The following PKD1L1 variants were observed in gnomAD, a reference collection of about 807,000 sequenced individuals.
PKD1L1 encodes the protein polycystin-1-like protein 1.
In PKD1L1, 236 loss-of-function variants were observed where a neutral mutation model predicts 323.4. That is an observed-to-expected ratio of 0.73 (90% confidence interval 0.66 to 0.81). The LOEUF (loss-of-function observed/expected upper bound fraction) is 0.81, where lower values mean the gene tolerates loss of function less well. Ranked by LOEUF, PKD1L1 falls within the 40% of genes least tolerant of loss-of-function variation. The pLI, the probability that PKD1L1 is intolerant of heterozygous loss-of-function variation, is 0.00. For synonymous variants in PKD1L1, 1,344 were observed against 1,335.0 expected (o/e 1.01, Z -0.15); for missense variants, 3,320 against 3,508.0 (o/e 0.95, Z 1.35).
At chr7:47,856,815 C>T (rs2128742121) in intron 28 of PKD1L1, among the ~76,000 whole-genome samples, 1 of 152,202 alleles carries the variant, frequency 6.6e-6, no homozygotes, top group East Asian at 1.9e-4. Flanking sequence ...CATTTTTTGA[C>T]CAAAATAAGA....
At chr7:47,799,436 C>G (rs879801557) in intron 54 of PKD1L1, among the ~76,000 whole-genome samples, 5 of 152,178 alleles carry the variant, frequency 3.3e-5, no homozygotes, top group Non-Finnish European at 7.3e-5. Flanking sequence ...TATCCACTTA[C>G]AAAGCTTGAA....
At position 47,880,822 on chromosome 7, in the gene PKD1L1, G is replaced by T. The variant is rs983331950; in HGVS notation, c.3443-17C>A. The T allele has an allele frequency of 1.3e-6, 2 of 1,585,528 alleles. No homozygotes were observed. Among genetic ancestry groups the T allele is most frequent in the African/African-American group, 2.7e-5 (2 of 73,186 alleles). ...CTGTAATACCTGCAGAAAAGACATG[G>T]CTGCATGGAAATGACAGTCAGTGGT... On this transcript the variant is annotated splice_polypyrimidine_tract_variant and intron_variant, in intron 20 of 56. Coordinates refer to ENST00000289672, the MANE Select transcript of PKD1L1 (RefSeq NM_138295.5).
At chr7:47,819,533 C>T (rs1453805049) in intron 46 of PKD1L1, 2 of 1,360,154 alleles carry the variant, frequency 1.5e-6, no homozygotes, top group East Asian at 9.3e-5. Flanking sequence ...AGGCTGTGCA[C>T]TTGCACGGAT....
chr7:47,927,243 C>T (rs1787672266), intron 7 of PKD1L1, among the ~76,000 whole-genome samples: 1 of 150,436 alleles, frequency 6.6e-6, no homozygotes, highest in South Asian at 2.1e-4. Flanking sequence ...AACCAAAACA[C>T]AAATAACAAA....
intron 10 of PKD1L1, 22 bp downstream of exon 10, chr7:47,905,821 T>G (rs1031870549): frequency 1.1e-5 from 17 of 1,610,158 alleles, no homozygotes; most frequent in African/African-American, 1.3e-5. Context: ...TTGTTAAATC[T>G]GGAATTAAAA....
intron 44 of PKD1L1, among the ~76,000 whole-genome samples, chr7:47,829,022 AAAG>A (rs1785289960): frequency 6.6e-6 from 1 of 152,206 alleles, no homozygotes; most frequent in Non-Finnish European, 1.5e-5. Flanking sequence ...AAACTGAATA[AAAG>A]AAGGAAGAAA....
At chr7:47,899,402 T>C (rs1041477512) in intron 13 of PKD1L1, among the ~76,000 whole-genome samples, 15 of 143,306 alleles carry the variant, frequency 1.0e-4, no homozygotes, top group Non-Finnish European at 1.6e-5. Flanking sequence ...AATAAGCCAA[T>C]GAGGATGAGG....
intron 12 of PKD1L1, among the ~76,000 whole-genome samples, chr7:47,902,765 A>G (rs760982246): frequency 2.0e-5 from 3 of 152,214 alleles, no homozygotes; most frequent in South Asian, 2.1e-4. Context: ...GTCACATGCT[A>G]TATTCAAACA....
At chr7:47,856,342 G>T (rs941416345) in intron 28 of PKD1L1, among the ~76,000 whole-genome samples, 3 of 152,134 alleles carry the variant, frequency 2.0e-5, no homozygotes, top group Non-Finnish European at 4.4e-5. Context: ...CCCGGCCTCA[G>T]TTGTCTATAT....
At chr7:47,922,560 G>A (rs1009096558) in intron 7 of PKD1L1, among the ~76,000 whole-genome samples, 21 of 151,048 alleles carry the variant, frequency 1.4e-4, no homozygotes, top group African/African-American at 3.2e-4. Context: ...CTGCCAGGCC[G>A]CGACCCCGTC....
At chr7:47,898,252 GT>G in intron 13 of PKD1L1, 58 bp from the exon 14 acceptor site, 1 of 1,400,770 alleles carries the variant, frequency 7.1e-7, no homozygotes, top group South Asian at 1.2e-5. Flanking sequence ...TAATGTACTG[GT>G]AAATTACTAG....
At chr7:47,902,267 CTG>C in intron 13 of PKD1L1, 110 bp downstream of exon 13, 1 of 1,414,598 alleles carries the variant, frequency 7.1e-7, no homozygotes, top group East Asian at 2.4e-5. Context: ...GTAGGATAAA[CTG>C]GACAAAGCCT....
chr7:47,936,875 C>T lies in PKD1L1; in HGVS notation c.369G>A (p.Ala123=), dbSNP rs148682146. 18 of 1,613,568 alleles carry T rather than the reference C, an allele frequency of 1.1e-5. No individual in the cohort carries two copies. The highest frequency in any genetic ancestry group is 4.0e-5 in the African/African-American group (3 of 74,862). The change falls in exon 4 of 57, where the codon GCG becomes GCA. Residue 123 remains alanine, a synonymous_variant. Transcript: ENST00000289672. ...TQAVVNEKTQ[A]PLDCDNSADR... Reference sequence around the variant, plus strand: ...CAGCACTGTTATCACAATCCAGAGGCGCCTGTGTTTTTTCATTAACAACAG... The same window carrying T: ...CAGCACTGTTATCACAATCCAGAGGTGCCTGTGTTTTTTCATTAACAACAG...
rs772512955 is a variant in PKD1L1 at position 47,904,453 on chromosome 7, T to C, written c.1856A>G (p.Asp619Gly). ...CCCAAAGTCCCACAGGTAGGCAACA[T>C]CTGTGCCGAAGTTGATCCAGCACTC... ...AFECWINFGT[D>G]VAYLWDFGDG... Residue 619 changes from aspartate (D) to glycine (G), a missense_variant, in exon 12 of 57, where the codon GAT (aspartate) becomes GGT (glycine). Coordinates refer to ENST00000289672, the MANE Select transcript of PKD1L1 (RefSeq NM_138295.5). 18 of 1,614,142 alleles carry C rather than the reference T, an allele frequency of 1.1e-5. No individual in the cohort carries two copies. The East Asian group carries it at 3.1e-4, about 28-fold the overall frequency.
intron 56 of PKD1L1, among the ~76,000 whole-genome samples, chr7:47,787,565 G>T (rs11760507): frequency 0.11 from 16,163 of 152,194 alleles, 1,228 homozygotes; most frequent in Non-Finnish European, 0.14. Context: ...TCACAATAGT[G>T]TGTGTTGTGT....
chr7:47,929,280 G>T lies in PKD1L1; in HGVS notation c.984C>A (p.Asp328Glu), dbSNP rs1271947940. ...EALCLMMDFG[D>E]SSGVEMRLHN... ...GTAGCCTCATTTCAACCCCAGAACT[G>T]TCCCCGAAATCCATCATCAGACAGA... Residue 328 changes from aspartate (D) to glutamate (E), a missense_variant, in exon 7 of 57, where the codon GAC becomes GAA. Transcript: ENST00000289672. The T allele has an allele frequency of 1.9e-6, 3 of 1,613,972 alleles. No individual in the cohort carries two copies. The highest frequency in any genetic ancestry group is 1.7e-5 in the Admixed American group (1 of 59,994).
At chr7:47,956,568 C>A in the PKD1L1 span, among the ~76,000 whole-genome samples, 8 of 152,174 alleles carry the variant, frequency 5.3e-5, no homozygotes, top group Non-Finnish European at 1.2e-4. Context: ...ACCTACTATA[C>A]AAGGACAATC....
upstream of PKD1L1, among the ~76,000 whole-genome samples, chr7:47,949,368 CAA>C (rs58131581): frequency 4.4e-3 from 254 of 57,114 alleles, 7 homozygotes; most frequent in African/African-American, 0.016. Flanking sequence ...GGCTCTGTCT[CAA>C]AAAAAAAAAA....
chr7:47,940,063 G>T, intron 3 of PKD1L1, 130 bp downstream of exon 3: 7 of 1,245,980 alleles, frequency 5.6e-6, no homozygotes, highest in Non-Finnish European at 6.8e-6. Flanking sequence ...TTGCTTCATT[G>T]GCACAAACAC....
Sources: gnomAD v4.1 joint callset for allele counts (sites outside exome capture counted in the v4.1 genomes callset) on GRCh38, gnomAD v4.1.1 for gene constraint, MANE v1.5 for transcripts, NCBI Gene and HGNC (gene_info 2026-07-23, HGNC 2026-07-21) for gene names.